FBLN7: variants seen among roughly 807,000 people sequenced by gnomAD.
FBLN7 encodes fibulin 7.
In FBLN7, 31 loss-of-function variants were observed where a neutral mutation model predicts 44.0. That is an observed-to-expected ratio of 0.70 (90% CI 0.53 to 0.95). The LOEUF (loss-of-function observed/expected upper bound fraction) is 0.95. FBLN7 is among the 40% of genes least tolerant of loss of function. The probability of loss-of-function intolerance (pLI) is 0.00; values close to 1 mark genes in which losing one functional copy is unlikely to be tolerated. For synonymous variants in FBLN7, 262 were observed against 253.4 expected, an observed-to-expected ratio of 1.03 and a Z score of -0.32; for missense variants, 573 against 618.5, an observed-to-expected ratio of 0.93 and a Z score of 0.78.
intron 2 of FBLN7, among the ~76,000 whole-genome samples, chr2:112,164,778 C>T (rs557236718): frequency 1.3e-5 from 2 of 152,320 alleles, no homozygotes; most frequent in South Asian, 4.1e-4. Context: ...GTCTCTGAGC[C>T]CCAGTCTCAT....
At chr2:112,234,777 G>C in the FBLN7 span, among the ~76,000 whole-genome samples, 1 of 151,682 alleles carries the variant, frequency 6.6e-6, no homozygotes, top group Non-Finnish European at 1.5e-5. Flanking sequence ...TCCAGCCTGG[G>C]CAATAGAACG....
chr2:112,160,773 G>C (rs1388302768), intron 2 of FBLN7, among the ~76,000 whole-genome samples: 149 of 22,054 alleles, frequency 6.8e-3, no homozygotes, highest in Middle Eastern at 0.042. Flanking sequence ...CGCACACGCA[G>C]ACGCACACGC....
intron 1 of FBLN7, among the ~76,000 whole-genome samples, chr2:112,154,093 G>C (rs1225431998): frequency 1.3e-5 from 2 of 152,180 alleles, no homozygotes; most frequent in Non-Finnish European, 2.9e-5. Context: ...TTGGTGTCAA[G>C]TTAGATGAAG....
the FBLN7 span, among the ~76,000 whole-genome samples, chr2:112,198,724 A>G: frequency 7.9e-5 from 12 of 152,192 alleles, no homozygotes; most frequent in Non-Finnish European, 1.8e-4. Context: ...AAAAGGCACC[A>G]TTTATGGGTC....
chr2:112,157,591 T>C (rs962650971), intron 1 of FBLN7, among the ~76,000 whole-genome samples: 2 of 152,066 alleles, frequency 1.3e-5, no homozygotes, highest in African/African-American at 2.4e-5. Flanking sequence ...ACCCCTCCTT[T>C]ACTATTTTTC....
At chr2:112,199,879 T>A in the FBLN7 span, among the ~76,000 whole-genome samples, 1 of 152,198 alleles carries the variant, frequency 6.6e-6, no homozygotes, top group Non-Finnish European at 1.5e-5. Context: ...TCTCCTGCTG[T>A]TGCCCTCTCA....
intron 5 of FBLN7, 120 bp downstream of exon 5, chr2:112,181,996 G>A (rs1450350479): frequency 1.6e-6 from 2 of 1,272,902 alleles, no homozygotes; most frequent in Non-Finnish European, 2.1e-6. Flanking sequence ...GGTCTCAGAA[G>A]GCCTGGCCAC....
At chr2:112,160,840 GCACACGCGCA>G (rs1558880683) in intron 2 of FBLN7, among the ~76,000 whole-genome samples, 10 of 111,672 alleles carry the variant, frequency 9.0e-5, no homozygotes, top group African/African-American at 3.8e-4. Context: ...ATACACGCAC[GCACACGCGCA>G]CACACACACA....
chr2:112,182,686 G>A lies in FBLN7; in HGVS notation c.671-105G>A. ...CTGCCCGAGGCCCAGCCACTTAACTGCAGCTGCCACTGCCTCCAGGAATTG... is the reference window on the plus strand; with the variant it reads ...CTGCCCGAGGCCCAGCCACTTAACTACAGCTGCCACTGCCTCCAGGAATTG... On this transcript the variant is annotated intron_variant, in intron 5 of 7. Transcript: ENST00000331203. 3 of 1,421,804 alleles carry A rather than the reference G, an allele frequency of 2.1e-6. No homozygotes were observed. The African/African-American group carries it at 4.4e-5, about 21-fold the overall frequency. 88.1% of individuals were successfully genotyped at this position (1,421,804 alleles called of 1,614,324 possible).
At chr2:112,243,225 G>A in the FBLN7 span, among the ~76,000 whole-genome samples, 11 of 152,300 alleles carry the variant, frequency 7.2e-5, 1 homozygote, top group African/African-American at 1.7e-4. Flanking sequence ...TTCCAGAAGT[G>A]TTTTTTCAGA....
intron 4 of FBLN7, among the ~76,000 whole-genome samples, chr2:112,181,151 C>T (rs1682973403): frequency 1.3e-5 from 2 of 151,770 alleles, no homozygotes; most frequent in East Asian, 3.9e-4. Flanking sequence ...CTTATGAACA[C>T]AAAGAAGGAA....
At chr2:112,179,503 A>C (rs1682880715) in intron 4 of FBLN7, among the ~76,000 whole-genome samples, 1 of 152,228 alleles carries the variant, frequency 6.6e-6, no homozygotes, top group African/African-American at 2.4e-5. Flanking sequence ...TTTAACATGC[A>C]TATGGAACCC....
At chr2:112,209,282 G>T in the FBLN7 span, among the ~76,000 whole-genome samples, 1 of 152,142 alleles carries the variant, frequency 6.6e-6, no homozygotes, top group Non-Finnish European at 1.5e-5. Flanking sequence ...CCCTTTATCT[G>T]CACCTCCGGC....
At chr2:112,142,789 GATGT>G (rs1161988474) in intron 1 of FBLN7, among the ~76,000 whole-genome samples, 1 of 136,974 alleles carries the variant, frequency 7.3e-6, no homozygotes, top group East Asian at 2.8e-4. Context: ...TGTGTCAATA[GATGT>G]ATGTGTCTCT....
intron 1 of FBLN7, among the ~76,000 whole-genome samples, chr2:112,158,545 C>T (rs1681555999): frequency 6.6e-6 from 1 of 152,138 alleles, no homozygotes; most frequent in Non-Finnish European, 1.5e-5. Flanking sequence ...AAGCGATTCT[C>T]CTGCCTCAGC....
chr2:112,234,854 G>A, the FBLN7 span, among the ~76,000 whole-genome samples: 3 of 151,888 alleles, frequency 2.0e-5, no homozygotes, highest in African/African-American at 7.3e-5. Context: ...ATTAAAAACC[G>A]AAGTCTAAGA....
chr2:112,238,931 TA>T, the FBLN7 span, among the ~76,000 whole-genome samples: 1 of 152,264 alleles, frequency 6.6e-6, no homozygotes, highest in Non-Finnish European at 1.5e-5. Flanking sequence ...ATGTCTTCAA[TA>T]ATTTATCATT....
chr2:112,232,948 G>T, the FBLN7 span, among the ~76,000 whole-genome samples: 2 of 152,260 alleles, frequency 1.3e-5, no homozygotes, highest in East Asian at 3.9e-4. Context: ...TAGCTTATTT[G>T]AATATAGATT....
At chr2:112,197,256 C>CAT in the FBLN7 span, among the ~76,000 whole-genome samples, 1 of 125,882 alleles carries the variant, frequency 7.9e-6, no homozygotes, top group East Asian at 2.2e-4. Flanking sequence ...CACACACACA[C>CAT]ACACACACAC....
Sources: gnomAD v4.1 joint callset for allele counts (sites outside exome capture counted in the v4.1 genomes callset) on GRCh38, gnomAD v4.1.1 for gene constraint, MANE v1.5 for transcripts, NCBI Gene and HGNC (gene_info 2026-07-23, HGNC 2026-07-21) for gene names.